The following INPPL1 variants were observed in gnomAD, a reference collection of about 807,000 sequenced individuals.
INPPL1 encodes phosphatidylinositol 3,4,5-trisphosphate 5-phosphatase 2.
INPPL1 carries 91 observed loss-of-function variants against 139.3 expected under a neutral mutation model. The observed-to-expected ratio is 0.65, with a 90% confidence interval of 0.55 to 0.78. The LOEUF (loss-of-function observed/expected upper bound fraction) is 0.78, where lower values mean the gene tolerates loss of function less well. INPPL1 is among the 30% of genes least tolerant of loss of function. The pLI is 0.00. For synonymous variants in INPPL1, 719 were observed against 686.6 expected (o/e 1.05, Z -0.74); for missense variants, 1,411 against 1,665.6 (o/e 0.85, Z 2.66).
At chr11:72,229,029 G>C in intron 4 of INPPL1, 61 bp from the exon 5 acceptor site, 1 of 1,555,342 alleles carries the variant, frequency 6.4e-7, no homozygotes, top group South Asian at 1.2e-5. Context: ...TCTAGGGATG[G>C]GGCAGAGGTG....
chr11:72,237,495 A>T lies in INPPL1; in HGVS notation c.3251A>T (p.Glu1084Val), dbSNP rs1354895540. ...GTGGTCCGGGGCCGTGGTGGGGCTG[A>T]GGCCCGTGGCCCACCACCTCCCAAG... ...GPVVRGRGGA[E>V]ARGPPPPKAH... Residue 1084 changes from glutamate (E) to valine (V), a missense_variant, in exon 26 of 28, where the codon GAG (glutamate) becomes GTG (valine). Glu to Val is a moderately radical substitution (Grantham distance 121). This residue lies in a region of INPPL1 where 438 missense variants were observed against 425.7 expected (regional missense o/e 1.03). Coordinates refer to ENST00000298229, the MANE Select transcript of INPPL1 (RefSeq NM_001567.4). 6.2e-7 allele frequency: 1 copy of T among 1,609,442 alleles called. No homozygotes were observed. Among genetic ancestry groups the T allele is most frequent in the South Asian group, 1.1e-5 (1 of 90,886 alleles).
rs775007311 is a variant in INPPL1 at position 72,237,637 on chromosome 11, C to T, written c.3393C>T (p.Ser1131=). 1.3e-5 allele frequency: 21 copies of T among 1,609,380 alleles called. No individual in the cohort carries two copies. Among genetic ancestry groups the T allele is most frequent in the African/African-American group, 5.3e-5 (4 of 74,898 alleles). Residue 1131 remains serine (S), a synonymous_variant, in exon 26 of 28, where the codon AGC becomes AGT. Transcript: ENST00000298229. ...TGCTGCAGATGGCCAAGACGCTGAGCGAGGTGGACTATGCCCCTGCTGGGC... is the reference window on the plus strand; with the variant it reads ...TGCTGCAGATGGCCAAGACGCTGAGTGAGGTGGACTATGCCCCTGCTGGGC... The part of the protein sequence containing the change: ...CSVLQMAKTL[S]EVDYAPAGPA...
intron 13 of INPPL1, 75 bp from the exon 14 acceptor site, chr11:72,232,165 C>CT (rs1223512324): frequency 1.5e-5 from 18 of 1,214,296 alleles, no homozygotes; most frequent in Non-Finnish European, 2.1e-5. Context: ...CTCACTGCAG[C>CT]TTTGAGAGGC....
In INPPL1 at chr11:72,230,905, C is replaced by A; in HGVS notation, c.1300+7C>A. ...ATAGGCACCTGGAACATGGGTCAGG[C>A]CCGGGCTGGGGCTGGGGCGGGAGAG... On this transcript the variant is annotated splice_region_variant and intron_variant, in intron 11 of 27. Coordinates refer to ENST00000298229, the MANE Select transcript of INPPL1 (RefSeq NM_001567.4). The A allele has an allele frequency of 6.2e-7, 1 of 1,613,878 alleles. No homozygotes were observed. Among genetic ancestry groups the A allele is most frequent in the Non-Finnish European group, 8.5e-7 (1 of 1,179,850 alleles).
chr11:72,229,092 C>A lies in INPPL1; in HGVS notation c.521C>A (p.Ala174Asp). ...GACTTCTTAACCCCTCCCCAAAGTG[C>A]TCCCAATGGGCTGAGCACCGTCTCG... Reference protein sequence around the residue: ...ETPTAPAAESAPNGLSTVSHD... With the variant: ...ETPTAPAAESDPNGLSTVSHD... Residue 174 changes from alanine to aspartate, a missense_variant and splice_region_variant, in exon 5 of 28, where the codon GCT (alanine) becomes GAT (aspartate). Physicochemically the swap from Ala to Asp is moderately radical, Grantham distance 126. This residue lies in a region of INPPL1 where 504 missense variants were observed against 595.6 expected (regional missense o/e 0.85). Coordinates refer to ENST00000298229, the MANE Select transcript of INPPL1 (RefSeq NM_001567.4). 6.2e-7 allele frequency: 1 copy of A among 1,606,228 alleles called. No individual in the cohort carries two copies. The highest frequency in any genetic ancestry group is 8.5e-7 in the Non-Finnish European group (1 of 1,174,918).
In INPPL1 at chr11:72,230,261, G is replaced by T. The variant is rs749386634; in HGVS notation, c.1080G>T (p.Thr360=). The change falls in exon 9 of 28, where the codon ACG becomes ACT. Residue 360 remains threonine, a synonymous_variant. Coordinates refer to ENST00000298229, the MANE Select transcript of INPPL1 (RefSeq NM_001567.4). Reference sequence around the variant, plus strand: ...CCCAGGAGGACTGGACCACCTTCACGCACGACCGCAGTGAGCCAGGGCCAG... The same window carrying T: ...CCCAGGAGGACTGGACCACCTTCACTCACGACCGCAGTGAGCCAGGGCCAG... ...RDSQEDWTTF[T]HDRIRQLIKS... 1 of 1,607,218 alleles carries T rather than the reference G, an allele frequency of 6.2e-7. No homozygotes were observed. The highest frequency in any genetic ancestry group is 1.3e-5 in the African/African-American group (1 of 74,854).
chr11:72,225,355 C>T (rs1311205122), intron 1 of INPPL1, 189 bp downstream of exon 1: 8 of 985,300 alleles, frequency 8.1e-6, no homozygotes, highest in Non-Finnish European at 9.6e-6. Flanking sequence ...TGCTGTGTGT[C>T]TGGGGGCACT....
chr11:72,229,775 A>T, intron 7 of INPPL1, 23 bp downstream of exon 7: 1 of 1,606,158 alleles, frequency 6.2e-7, no homozygotes, highest in Non-Finnish European at 8.5e-7. Context: ...CTGACCCTTG[A>T]CCCCCGATTC....
Sources: gnomAD v4.1 joint callset for allele counts on GRCh38, gnomAD v4.1.1 for gene constraint, gnomAD v4.1.1 regional missense constraint, MANE v1.5 for transcripts, NCBI Gene and HGNC (gene_info 2026-07-23, HGNC 2026-07-21) for gene names.